The following UFD1 variants were observed in gnomAD, a reference collection of about 807,000 sequenced individuals.
The protein encoded by UFD1 is ubiquitin recognition factor in ER associated degradation 1.
A neutral mutation model predicts 45.9 loss-of-function variants in UFD1; 13 were observed. That is an observed-to-expected ratio of 0.28 (90% confidence interval 0.18 to 0.45). UFD1 has a LOEUF of 0.45. Among genes scored for constraint, UFD1 ranks in the 20% least tolerant of loss-of-function variants. The pLI is 1.00. For missense variants in UFD1, 218 were observed against 389.2 expected, an observed-to-expected ratio of 0.56 and a Z score of 3.70; for synonymous variants, 128 against 139.2, an observed-to-expected ratio of 0.92 and a Z score of 0.56.
intron 2 of UFD1, 107 bp from the exon 3 acceptor site, chr22:19,475,207 A>G: frequency 8.2e-7 from 1 of 1,222,942 alleles, no homozygotes; most frequent in Non-Finnish European, 1.1e-6. Flanking sequence ...AACTGTTTTT[A>G]GGGTAGCCAG....
Position 19,455,780 on chromosome 22 carries a change from G to A in UFD1, c.679-12C>T. On this transcript the variant is annotated splice_polypyrimidine_tract_variant and intron_variant, in intron 9 of 11. Transcript: ENST00000263202. ...GATCCAGAGAAAGCCTAGACAGGAA[G>A]TAGGTGAGTCATATAATAAGCCCAA... is the stretch of plus-strand genomic sequence containing the variant. 6.2e-7 allele frequency: 1 copy of A among 1,613,554 alleles called. No individual in the cohort carries two copies. The highest frequency in any genetic ancestry group is 8.5e-7 in the Non-Finnish European group (1 of 1,179,506).
At chr22:19,454,677 A>G (rs1569326049) in intron 11 of UFD1, 72 bp downstream of exon 11, 5 of 1,609,156 alleles carry the variant, frequency 3.1e-6, no homozygotes, top group African/African-American at 1.3e-5. Context: ...TCAGAATGCC[A>G]AGAACTTCAG....
At chr22:19,470,772 A>C (rs905154011) in intron 4 of UFD1, 5 of 464,032 alleles carry the variant, frequency 1.1e-5, no homozygotes, top group African/African-American at 9.9e-5. Flanking sequence ...ATCTCAGAAA[A>C]TATTAGTTAA....
At chr22:19,455,134 A>C (rs1416860980) in intron 10 of UFD1, among the ~76,000 whole-genome samples, 3 of 151,788 alleles carry the variant, frequency 2.0e-5, no homozygotes, top group African/African-American at 7.3e-5. Context: ...AGGTGGCTAG[A>C]CTCTCACTCC....
At position 19,455,718 on chromosome 22, in the gene UFD1, C is replaced by T. The variant is rs1401165572; in HGVS notation, c.729G>A (p.Glu243=). 8 of 1,614,096 alleles carry T rather than the reference C, an allele frequency of 5.0e-6. No individual in the cohort carries two copies. The highest frequency in any genetic ancestry group is 6.8e-6 in the Non-Finnish European group (8 of 1,179,980). The change falls in exon 10 of 12, where the codon GAG becomes GAA. Residue 243 remains glutamate, a synonymous_variant. Coordinates refer to ENST00000263202, the MANE Select transcript of UFD1 (RefSeq NM_005659.7). ...CAGGCTTGATTGGGGAGGGGCTGGG[C>T]TCTACCCCTTTCTTCTTTCCATCCA... ...NRLDGKKKGV[E]PSPSPIKPGD...
At chr22:19,462,683 G>A (rs1014173279) in intron 6 of UFD1, among the ~76,000 whole-genome samples, 4 of 152,024 alleles carry the variant, frequency 2.6e-5, no homozygotes, top group Non-Finnish European at 2.9e-5. Context: ...AAAAAAGAGA[G>A]TAAGTCTAAA....
In UFD1 at chr22:19,450,527, T is replaced by C. The variant is rs1049315847; in HGVS notation, c.*143A>G. Reference sequence around the variant, plus strand: ...TGCTGCTCCACTTCCAAGTCAAACTTAATAATTCTTAGGTAACTCTAAATA... The same window carrying C: ...TGCTGCTCCACTTCCAAGTCAAACTCAATAATTCTTAGGTAACTCTAAATA... On this transcript the variant is annotated 3_prime_UTR_variant, in exon 12 of 12. Coordinates refer to ENST00000263202, the MANE Select transcript of UFD1 (RefSeq NM_005659.7). 1.8e-6 allele frequency: 2 copies of C among 1,091,978 alleles called. No homozygotes were observed. The highest frequency in any genetic ancestry group is 1.5e-5 in the South Asian group (1 of 65,530). The allele number at this position is 1,091,978 out of a possible 1,614,324, so 67.6% of individuals were successfully genotyped here.
intron 11 of UFD1, chr22:19,453,396 TC>T: frequency 3.0e-6 from 3 of 985,442 alleles, no homozygotes; most frequent in Non-Finnish European, 3.6e-6. Context: ...TTCAATCCCA[TC>T]TTTAAACATA....
intron 4 of UFD1, chr22:19,471,131 G>A (rs1044588562): frequency 2.1e-6 from 1 of 465,406 alleles, no homozygotes; most frequent in Non-Finnish European, 4.3e-6. Flanking sequence ...ACAGCCTTGA[G>A]GGCAGGCTCT....
Position 19,455,715 on chromosome 22 carries a change from G to A in UFD1, c.732C>T (p.Pro244=), listed in dbSNP as rs766028363. 3.1e-6 allele frequency: 5 copies of A among 1,613,922 alleles called. No homozygotes were observed. In the Admixed American group the frequency reaches 8.3e-5, roughly 27 times the overall value. The change falls in exon 10 of 12, where the codon CCC becomes CCT. Residue 244 remains proline (P), a synonymous_variant. Transcript: ENST00000263202. ...RLDGKKKGVE[P]SPSPIKPGDI... Reference sequence around the variant, plus strand: ...CTCCAGGCTTGATTGGGGAGGGGCTGGGCTCTACCCCTTTCTTCTTTCCAT... The same window carrying A: ...CTCCAGGCTTGATTGGGGAGGGGCTAGGCTCTACCCCTTTCTTCTTTCCAT...
intron 1 of UFD1, 83 bp downstream of exon 1, chr22:19,479,000 T>TCCCCCCCCCC: frequency 4.1e-6 from 6 of 1,478,078 alleles, no homozygotes; most frequent in African/African-American, 1.4e-5. Context: ...TCCGCCGCCG[T>TCCCCCCCCCC]CCCGCCCCGC....
chr22:19,460,662 T>A (rs2089759323), intron 6 of UFD1, among the ~76,000 whole-genome samples: 2 of 151,990 alleles, frequency 1.3e-5, no homozygotes. Flanking sequence ...TCTGTGGCCA[T>A]GTGTGTGGAG....
At chr22:19,457,584 G>A (rs1299887976) in intron 7 of UFD1, among the ~76,000 whole-genome samples, 4 of 152,116 alleles carry the variant, frequency 2.6e-5, no homozygotes, top group South Asian at 2.1e-4. Flanking sequence ...AGGCCGAGGC[G>A]GGTGGATTAC....
intron 4 of UFD1, chr22:19,470,796 G>A (rs779331450): frequency 7.4e-5 from 35 of 470,404 alleles, no homozygotes; most frequent in Admixed American, 2.0e-4. Flanking sequence ...CATCCCTTCT[G>A]AACGTCTGGC....
At chr22:19,456,672 G>C in intron 8 of UFD1, 38 bp from the exon 9 acceptor site, 3 of 1,614,110 alleles carry the variant, frequency 1.9e-6, no homozygotes, top group South Asian at 2.2e-5. Context: ...GCTCCTCAGC[G>C]GGGACACCCA....
intron 10 of UFD1, among the ~76,000 whole-genome samples, chr22:19,455,069 C>G (rs1486039283): frequency 1.3e-5 from 2 of 151,806 alleles, no homozygotes; most frequent in Non-Finnish European, 2.9e-5. Flanking sequence ...GAGGGGTCAT[C>G]TGAAGGATTG....
At chr22:19,473,060 C>T (rs2089857305) in intron 3 of UFD1, among the ~76,000 whole-genome samples, 1 of 152,150 alleles carries the variant, frequency 6.6e-6, no homozygotes, top group Non-Finnish European at 1.5e-5. Context: ...TAAGGGTGGG[C>T]ACTCCCTCCT....
chr22:19,453,101 A>G (rs996817811), intron 11 of UFD1: 17 of 985,336 alleles, frequency 1.7e-5, no homozygotes, highest in Non-Finnish European at 2.0e-5. Flanking sequence ...AGTAGTCTAG[A>G]GACCTACTGG....
At chr22:19,460,761 T>C (rs1358406563) in intron 6 of UFD1, among the ~76,000 whole-genome samples, 1 of 151,822 alleles carries the variant, frequency 6.6e-6, no homozygotes, top group Non-Finnish European at 1.5e-5. Context: ...CATTCTTTTT[T>C]TTTTTTTTTT....
Sources: gnomAD v4.1 joint callset for allele counts (sites outside exome capture counted in the v4.1 genomes callset) on GRCh38, gnomAD v4.1.1 for gene constraint, MANE v1.5 for transcripts, NCBI Gene and HGNC (gene_info 2026-07-23, HGNC 2026-07-21) for gene names.